Variants in SAMD8 observed in about 807,000 individuals in gnomAD.
SAMD8 encodes the protein sphingomyelin synthase-related protein 1.
Under a neutral mutation model 42.0 loss-of-function variants are expected in SAMD8, and 20 were observed. The ratio of observed to expected loss-of-function variants is 0.48; its 90% CI spans 0.34 to 0.69. The LOEUF is 0.69. Ranked by LOEUF, SAMD8 falls within the 30% of genes least tolerant of loss-of-function variation. The pLI is 0.01. For missense variants in SAMD8, 328 were observed against 511.6 expected, an observed-to-expected ratio of 0.64 and a Z score of 3.46; for synonymous variants, 162 against 173.0, an observed-to-expected ratio of 0.94 and a Z score of 0.50.
chr10:75,176,327 C>G lies in SAMD8; in HGVS notation c.944-61C>G, dbSNP rs995380712. On this transcript the variant is annotated intron_variant, in intron 5 of 5. Coordinates refer to ENST00000542569, the MANE Select transcript of SAMD8 (RefSeq NM_001174156.2). The surrounding 1 kb of genome is among the most constrained non-coding windows in gnomAD (Gnocchi z 4.3). ...TGGCAAAACAGCCTGACCTGAGAAA[C>G]GTGACTGAGAAGCATTGGAAGGAAT... 161 of 1,595,658 alleles carry G rather than the reference C, an allele frequency of 1.0e-4. No homozygotes were observed. Among genetic ancestry groups the G allele is most frequent in the South Asian group, 1.6e-4 (14 of 87,886 alleles).
intron 1 of SAMD8, among the ~76,000 whole-genome samples, chr10:75,123,179 A>T (rs1156566643): frequency 4.3e-4 from 10 of 23,510 alleles, no homozygotes; most frequent in African/African-American, 1.6e-3. Flanking sequence ...ACCCCACCCC[A>T]CCCCACCCCA....
chr10:75,165,066 G>A lies in SAMD8; in HGVS notation c.674+326G>A, dbSNP rs144309663. On this transcript the variant is annotated intron_variant, in intron 3 of 5. Transcript: ENST00000542569. ...AGCACTTTGGGAGGCCGAGGCAGGC[G>A]GATCACCTGAGGTTAGGAGTTCGAG... Among the ~76,000 whole-genome samples, 380 of 152,120 alleles carry A rather than the reference G, an allele frequency of 2.5e-3. 2 individuals carry two copies. Among genetic ancestry groups the A allele is most frequent in the Admixed American group, 3.7e-3 (56 of 15,264 alleles).
At chr10:75,106,553 A>G (rs1034619080) in intron 1 of SAMD8, among the ~76,000 whole-genome samples, 1 of 152,082 alleles carries the variant, frequency 6.6e-6, no homozygotes, top group African/African-American at 2.4e-5. Context: ...TTACCCATGG[A>G]TACCTTTGTA....
intron 4 of SAMD8, chr10:75,175,751 G>A (rs912342956): frequency 1.2e-5 from 4 of 334,132 alleles, no homozygotes; most frequent in African/African-American, 6.7e-5. Context: ...GTTTCGCCAT[G>A]TTGGCCAGGC....
intron 1 of SAMD8, among the ~76,000 whole-genome samples, chr10:75,128,362 C>T (rs1031231766): frequency 4.6e-5 from 7 of 152,046 alleles, no homozygotes; most frequent in African/African-American, 9.7e-5. Flanking sequence ...CGTGAGCCAC[C>T]GCACCCGCCC....
At chr10:75,127,592 G>A (rs1849174315) in intron 1 of SAMD8, among the ~76,000 whole-genome samples, 1 of 152,178 alleles carries the variant, frequency 6.6e-6, no homozygotes, top group Non-Finnish European at 1.5e-5. Flanking sequence ...TCCTGAAAAT[G>A]CACTGAACAC....
intron 2 of SAMD8, among the ~76,000 whole-genome samples, chr10:75,157,161 GT>G (rs1202052430): frequency 1.3e-5 from 2 of 151,974 alleles, no homozygotes; most frequent in Non-Finnish European, 2.9e-5. Context: ...ATAATATAGT[GT>G]TGATTCTTTT....
intron 4 of SAMD8, among the ~76,000 whole-genome samples, chr10:75,175,018 A>G (rs1317681797): frequency 1.3e-5 from 2 of 152,180 alleles, no homozygotes; most frequent in Non-Finnish European, 2.9e-5. Flanking sequence ...TGCTATCCCA[A>G]TACTTGGCTT....
chr10:75,168,020 G>A (rs1055758704), intron 3 of SAMD8, among the ~76,000 whole-genome samples: 8 of 151,610 alleles, frequency 5.3e-5, no homozygotes, highest in Admixed American at 1.3e-4. Flanking sequence ...TTTTGAGACG[G>A]AGTTTCACTA....
intron 1 of SAMD8, among the ~76,000 whole-genome samples, chr10:75,104,824 G>T (rs1261451547): frequency 6.6e-6 from 1 of 152,048 alleles, no homozygotes; most frequent in Non-Finnish European, 1.5e-5. Flanking sequence ...AGGGGTCGAT[G>T]CTGCTGAAGG....
At chr10:75,138,394 C>G (rs1839942131) in intron 1 of SAMD8, among the ~76,000 whole-genome samples, 4 of 152,144 alleles carry the variant, frequency 2.6e-5, no homozygotes, top group Admixed American at 1.3e-4. Flanking sequence ...GTCATTATCT[C>G]TTTTTGCAGT....
At position 75,151,550 on chromosome 10, in the gene SAMD8, C is replaced by T. The variant is rs111710505; in HGVS notation, c.578+444C>T. ...TAAGTTTTTTGTAGAAATAGAGTCC[C>T]ACCGTGTTGCCCAGGCTGGGTGAAC... On this transcript the variant is annotated intron_variant, in intron 2 of 5. Transcript: ENST00000542569. 3.3e-3 allele frequency among the ~76,000 whole-genome samples: 507 copies of T among 152,104 alleles called. 1 individual carries two copies. The highest frequency in any genetic ancestry group is 0.012 in the African/African-American group (484 of 41,486).
intron 1 of SAMD8, among the ~76,000 whole-genome samples, chr10:75,128,982 C>T (rs181752118): frequency 1.1e-4 from 16 of 152,142 alleles, no homozygotes; most frequent in African/African-American, 2.9e-4. Context: ...TTGACACTTT[C>T]GTAATATAGA....
intron 1 of SAMD8, among the ~76,000 whole-genome samples, chr10:75,118,854 T>G (rs897776335): frequency 1.3e-5 from 2 of 152,190 alleles, no homozygotes; most frequent in African/African-American, 4.8e-5. Context: ...ACATCATAGT[T>G]TAGGCTTTTT....
chr10:75,136,055 A>ACTTTT (rs201624692), intron 1 of SAMD8, among the ~76,000 whole-genome samples: 20 of 151,992 alleles, frequency 1.3e-4, no homozygotes, highest in African/African-American at 1.7e-4. Flanking sequence ...ACTGAGTGCT[A>ACTTTT]CTTTTCTTTT....
intron 1 of SAMD8, among the ~76,000 whole-genome samples, chr10:75,139,046 C>T (rs1589951253): frequency 2.0e-5 from 3 of 151,566 alleles, no homozygotes; most frequent in South Asian, 2.1e-4. Context: ...CTGCCACCTC[C>T]GCCTCCCAGG....
intron 4 of SAMD8, among the ~76,000 whole-genome samples, chr10:75,169,602 T>C (rs1455900396): frequency 6.6e-6 from 1 of 151,510 alleles, no homozygotes; most frequent in Non-Finnish European, 1.5e-5. Context: ...GTTCCTTCAC[T>C]GTCCTCCTCA....
At chr10:75,118,335 C>G (rs1848930654) in intron 1 of SAMD8, among the ~76,000 whole-genome samples, 1 of 152,080 alleles carries the variant, frequency 6.6e-6, no homozygotes, top group African/African-American at 2.4e-5. Flanking sequence ...GAAACAATAC[C>G]CTGTGCTTGC....
chr10:75,150,961 T>C lies in SAMD8; in HGVS notation c.433T>C (p.Leu145=). Residue 145 remains leucine (L), a synonymous_variant, in exon 2 of 6, where the codon TTG becomes CTG. Transcript: ENST00000542569. ...NGKNKHSVRR[L]DPEYWKTILS... is the part of the protein sequence containing the mutation. ...TAAAAACAAACATTCTGTTCGAAGATTGGACCCAGAATACTGGAAGACTAT... is the reference window on the plus strand; with the variant it reads ...TAAAAACAAACATTCTGTTCGAAGACTGGACCCAGAATACTGGAAGACTAT... The C allele has an allele frequency of 6.2e-7, 1 of 1,613,284 alleles. No homozygotes were observed. Among genetic ancestry groups the C allele is most frequent in the Non-Finnish European group, 8.5e-7 (1 of 1,179,774 alleles).
Sources: allele counts gnomAD v4.1 joint callset (sites outside exome capture counted in the v4.1 genomes callset), GRCh38; gene constraint gnomAD v4.1.1; non-coding constraint Gnocchi (gnomAD v3.1); transcripts MANE v1.5; gene names NCBI Gene and HGNC (gene_info 2026-07-23, HGNC 2026-07-21).